Variants in ITGA6 observed in about 807,000 individuals in gnomAD.
ITGA6 encodes integrin subunit alpha 6.
ITGA6 carries 63 observed loss-of-function variants against 133.6 expected under a neutral mutation model. The ratio of observed to expected loss-of-function variants is 0.47; its 90% CI spans 0.38 to 0.58. ITGA6 has a LOEUF of 0.58. ITGA6 is among the 20% of genes least tolerant of loss of function. The pLI, the probability that ITGA6 is intolerant of heterozygous loss-of-function variation, is 0.00. For synonymous variants in ITGA6, 434 were observed against 482.0 expected (o/e 0.90, Z 1.30); for missense variants, 1,068 against 1,309.4 (o/e 0.82, Z 2.85).
chr2:172,499,074 G>T (rs1189762570), intron 24 of ITGA6, among the ~76,000 whole-genome samples: 1 of 152,186 alleles, frequency 6.6e-6, no homozygotes, highest in Non-Finnish European at 1.5e-5. Flanking sequence ...CCTAGGATCA[G>T]ACTATCCTTT....
chr2:172,458,084 C>G (rs184503315), intron 1 of ITGA6, among the ~76,000 whole-genome samples: 2 of 152,168 alleles, frequency 1.3e-5, no homozygotes, highest in Admixed American at 6.5e-5. Flanking sequence ...TTCCATCGTT[C>G]CCTACCTCTG....
chr2:172,479,719 T>G lies in ITGA6; in HGVS notation c.1467T>G (p.Cys489Trp). 6.2e-7 allele frequency: 1 copy of G among 1,613,920 alleles called. No individual in the cohort carries two copies. Among genetic ancestry groups the G allele is most frequent in the Non-Finnish European group, 8.5e-7 (1 of 1,179,908 alleles). Residue 489 changes from cysteine (C) to tryptophan (W), a missense_variant, in exon 10 of 26, where the codon TGT becomes TGG. By Grantham distance (215) the Cys-to-Trp change is radical. Transcript: ENST00000684293. ...NRIDLRQKTA[C>W]GAPSGICLQV... The stretch of plus-strand genomic sequence containing the variant: ...TTGACCTCCGCCAGAAAACAGCGTG[T>G]GGGGCGCCTAGTGGGATATGGTGAG...
chr2:172,497,836 C>A, intron 23 of ITGA6, 139 bp from the exon 24 acceptor site: 1 of 819,606 alleles, frequency 1.2e-6, no homozygotes, highest in Non-Finnish European at 2.1e-6. Flanking sequence ...GAGAAAGGAT[C>A]TTGCATCAGA....
In ITGA6 at chr2:172,474,220, C is replaced by G; in HGVS notation, c.941C>G (p.Ser314Cys). 1 of 1,614,108 alleles carries G rather than the reference C, an allele frequency of 6.2e-7. No individual in the cohort carries two copies. Among genetic ancestry groups the G allele is most frequent in the Non-Finnish European group, 8.5e-7 (1 of 1,180,044 alleles). Residue 314 changes from serine to cysteine, a missense_variant, in exon 6 of 26, where the codon TCT becomes TGT. By Grantham distance (112) the Ser-to-Cys change is moderately radical. Transcript: ENST00000684293. ...ATATTCGATGGAGAAGGTCTGGCCT[C>G]TTCATTTGGCTATGATGTGGCGGTG... ...EHIFDGEGLA[S>C]SFGYDVAVVD... is the part of the protein sequence containing the mutation.
At position 172,429,708 on chromosome 2, in the gene ITGA6, G is replaced by A. The variant is rs1357542470; in HGVS notation, c.182+1738G>A. Among the ~76,000 whole-genome samples the A allele has an allele frequency of 2.6e-5, 4 of 152,194 alleles. No homozygotes were observed. In the East Asian group the frequency reaches 7.7e-4, roughly 29 times the overall value. ...CCGAGGTAAGGATAAGCCTGCAATG[G>A]GGTCTGATGCCTTCTAGGAAAGCTC... On this transcript the variant is annotated intron_variant, in intron 1 of 25. Transcript: ENST00000684293.
intron 12 of ITGA6, 41 bp downstream of exon 12, chr2:172,484,983 C>T (rs549330724): frequency 1.2e-6 from 2 of 1,606,138 alleles, no homozygotes; most frequent in Non-Finnish European, 1.7e-6. Context: ...ATGAAGAGGA[C>T]AGAAAAAGGT....
intron 3 of ITGA6, chr2:172,468,890 G>A: frequency 2.1e-6 from 1 of 474,378 alleles, no homozygotes; most frequent in South Asian, 2.8e-5. Flanking sequence ...TTTTGGATTG[G>A]AGGATTATTC....
chr2:172,478,014 GTGTGT>G (rs1240204667), intron 9 of ITGA6, among the ~76,000 whole-genome samples: 1 of 152,096 alleles, frequency 6.6e-6, no homozygotes, highest in Non-Finnish European at 1.5e-5. Context: ...CCTCAAAATT[GTGTGT>G]TGTATGTTTA....
At chr2:172,459,566 T>C (rs1475695891) in intron 1 of ITGA6, among the ~76,000 whole-genome samples, 1 of 152,168 alleles carries the variant, frequency 6.6e-6, no homozygotes, top group Non-Finnish European at 1.5e-5. Context: ...CAACACTGGA[T>C]ACTAGAATTA....
chr2:172,428,947 CTGAAAAATAGGCT>C (rs755231014), intron 1 of ITGA6, among the ~76,000 whole-genome samples: 24 of 152,190 alleles, frequency 1.6e-4, no homozygotes, highest in Non-Finnish European at 2.9e-4. Context: ...ATCTGTGCTA[CTGAAAAATAGGCT>C]GTAGCAACAA....
At chr2:172,451,181 T>C (rs1443727670) in intron 1 of ITGA6, among the ~76,000 whole-genome samples, 1 of 147,138 alleles carries the variant, frequency 6.8e-6, no homozygotes, top group Non-Finnish European at 1.5e-5. Context: ...TAAATAAAAA[T>C]AGGGAAGGAG....
intron 1 of ITGA6, among the ~76,000 whole-genome samples, chr2:172,438,671 C>A (rs1574318310): frequency 6.6e-6 from 1 of 151,956 alleles, no homozygotes; most frequent in East Asian, 1.9e-4. Flanking sequence ...CCGGCATATC[C>A]AATCAACATC....
chr2:172,467,459 C>G (rs775075150), intron 2 of ITGA6, 22 bp from the exon 3 acceptor site: 1 of 1,598,626 alleles, frequency 6.3e-7, no homozygotes, highest in South Asian at 1.1e-5. Context: ...ACTTGGAAGG[C>G]TAACTATGCT....
At chr2:172,477,024 C>G (rs1686203747) in intron 9 of ITGA6, among the ~76,000 whole-genome samples, 2 of 152,200 alleles carry the variant, frequency 1.3e-5, no homozygotes, top group East Asian at 3.8e-4. Flanking sequence ...TAACAACTGT[C>G]TGTGAGGCAT....
intron 20 of ITGA6, 124 bp from the exon 21 acceptor site, chr2:172,490,898 GGA>G (rs1419635558): frequency 4.2e-6 from 3 of 710,058 alleles, no homozygotes; most frequent in Middle Eastern, 3.9e-4. Context: ...GCCTTTGGCA[GGA>G]GAGAGGCAAA....
intron 2 of ITGA6, chr2:172,466,092 GAT>G (rs1685660705): frequency 3.6e-6 from 1 of 276,780 alleles, no homozygotes; most frequent in African/African-American, 2.2e-5. Flanking sequence ...GGCTAACAGA[GAT>G]AAAGTTTTCC....
chr2:172,427,939 C>T lies in ITGA6; in HGVS notation c.151C>T (p.His51Tyr). The T allele has an allele frequency of 1.2e-6, 2 of 1,606,768 alleles. No homozygotes were observed. Among genetic ancestry groups the T allele is most frequent in the African/African-American group, 1.3e-5 (1 of 74,438 alleles). Residue 51 changes from histidine to tyrosine, a missense_variant, in exon 1 of 26, where the codon CAC becomes TAC. By Grantham distance (83) the His-to-Tyr change is moderately conservative (BLOSUM62 2). Coordinates refer to ENST00000684293, the MANE Select transcript of ITGA6 (RefSeq NM_000210.4). ...CCTCTTCGGCTTCTCGCTGGCCATGCACTGGCAACTGCAGCCCGAGGACAA... is the reference window on the plus strand; with the variant it reads ...CCTCTTCGGCTTCTCGCTGGCCATGTACTGGCAACTGCAGCCCGAGGACAA... ...GSLFGFSLAM[H>Y]WQLQPEDKRL...
chr2:172,466,914 G>T (rs1685701198), intron 2 of ITGA6, among the ~76,000 whole-genome samples: 1 of 152,156 alleles, frequency 6.6e-6, no homozygotes, highest in South Asian at 2.1e-4. Context: ...GGTGGTGTTT[G>T]TGGTCCCCGT....
At chr2:172,457,755 C>T (rs1279512367) in intron 1 of ITGA6, among the ~76,000 whole-genome samples, 1 of 152,104 alleles carries the variant, frequency 6.6e-6, no homozygotes, top group African/African-American at 2.4e-5. Context: ...CCCCTTCAAA[C>T]TGGGGGGGAA....
Sources: gnomAD v4.1 joint callset for allele counts (sites outside exome capture counted in the v4.1 genomes callset) on GRCh38, gnomAD v4.1.1 for gene constraint, MANE v1.5 for transcripts, NCBI Gene and HGNC (gene_info 2026-07-23, HGNC 2026-07-21) for gene names.